Variants in KLHL13 observed in about 807,000 individuals in gnomAD.
The protein encoded by KLHL13 is kelch like family member 13.
A neutral mutation model predicts 37.1 loss-of-function variants in KLHL13; 10 were observed. That is an observed-to-expected ratio of 0.27 (90% CI 0.17 to 0.46). KLHL13 has a LOEUF of 0.46. Among genes scored for constraint, KLHL13 ranks in the 20% least tolerant of loss-of-function variants. KLHL13 has a pLI of 1.00. For synonymous variants in KLHL13, 163 were observed against 181.2 expected (o/e 0.90, Z 0.81); for missense variants, 360 against 509.3 (o/e 0.71, Z 2.82).
intron 1 of KLHL13, among the ~76,000 whole-genome samples, chrX:118,020,865 A>G (rs1299999895): frequency 7.4e-5 from 8 of 108,604 alleles, no homozygotes; most frequent in Non-Finnish European, 1.3e-4. Flanking sequence ...GCTAGAAACC[A>G]TCATTCTCAG....
intron 1 of KLHL13, among the ~76,000 whole-genome samples, chrX:118,047,508 T>C (rs1311461855): frequency 1.8e-5 from 2 of 112,188 alleles, no homozygotes; most frequent in Non-Finnish European, 3.8e-5. Flanking sequence ...AAGGAAATAA[T>C]ATAAGCAAGA....
At chrX:117,932,983 C>T (rs2147755547) in intron 2 of KLHL13, among the ~76,000 whole-genome samples, 1 of 111,143 alleles carries the variant, frequency 9.0e-6, no homozygotes, top group African/African-American at 3.3e-5. Flanking sequence ...TGTAATTTTC[C>T]ATATATCTGT....
chrX:118,095,568 C>T (rs758611141), intron 1 of KLHL13, among the ~76,000 whole-genome samples: 7 of 111,637 alleles, frequency 6.3e-5, no homozygotes, highest in South Asian at 3.8e-4. Flanking sequence ...AACTCTCCAC[C>T]CCAAATCAAC....
chrX:117,909,692 C>T (rs769074304), exon 5 of KLHL13: 10 of 1,210,489 alleles, frequency 8.3e-6, no homozygotes, highest in Non-Finnish European at 1.1e-5. Flanking sequence ...GCATAACTGG[C>T]TGCATATATG....
chrX:118,006,630 T>G (rs1273000572), intron 1 of KLHL13, among the ~76,000 whole-genome samples: 1 of 112,219 alleles, frequency 8.9e-6, no homozygotes, highest in Admixed American at 9.4e-5. Context: ...CAGCTTGAAT[T>G]TATTCAGGGT....
At chrX:117,959,885 G>A (rs7052081) in intron 1 of KLHL13, among the ~76,000 whole-genome samples, 1,744 of 111,371 alleles carry the variant, frequency 0.016, 32 homozygotes, top group African/African-American at 0.054. Context: ...AAACAGCTGC[G>A]GTGAGAGACT....
intron 4 of KLHL13, among the ~76,000 whole-genome samples, chrX:117,918,460 T>G (rs939736490): frequency 9.0e-6 from 1 of 111,273 alleles, no homozygotes; most frequent in African/African-American, 3.3e-5. Flanking sequence ...TTCATATGAG[T>G]TAAAAAATTA....
At chrX:117,978,760 T>C (rs1429187382) in intron 1 of KLHL13, among the ~76,000 whole-genome samples, 11 of 108,495 alleles carry the variant, frequency 1.0e-4, no homozygotes, top group African/African-American at 3.7e-4. Context: ...TTCATTTTGT[T>C]TTCTGGCACT....
rs147209460 is a variant in KLHL13, at chrX:118,078,053, T to C, written c.-56+38455A>G. Among the ~76,000 whole-genome samples, 1,043 of 112,143 alleles carry C rather than the reference T, an allele frequency of 9.3e-3. 14 individuals carry two copies. The highest frequency in any genetic ancestry group is 0.032 in the African/African-American group (983 of 30,974). ...CAATTGAATATCTGTGTAACAACTT[T>C]TGTTTTAAAAGTTACTTTTATTTTC... On this transcript the variant is annotated intron_variant, in intron 1 of 6. Coordinates refer to the KLHL13 transcript ENST00000371882.
intron 1 of KLHL13, among the ~76,000 whole-genome samples, chrX:118,068,779 ATCT>A (rs760683016): frequency 8.8e-4 from 97 of 110,821 alleles, no homozygotes; most frequent in African/African-American, 2.9e-3. Flanking sequence ...GTCACAGCAC[ATCT>A]TCTTCCCTGA....
chrX:117,983,109 G>GT (rs201029041), intron 1 of KLHL13, among the ~76,000 whole-genome samples: 11,330 of 111,434 alleles, frequency 0.1, 581 homozygotes, highest in African/African-American at 0.19. Context: ...AGGCAGAAGA[G>GT]ACAGAGCTAG....
At chrX:117,973,371 G>A in exon 1 of KLHL13, 2 of 972,022 alleles carry the variant, frequency 2.1e-6, no homozygotes, top group Non-Finnish European at 2.6e-6. Context: ...CAATACAAAT[G>A]GGATATAAAC....
chrX:117,946,463 T>A (rs113405427), intron 1 of KLHL13: 5 of 112,263 alleles, frequency 4.5e-5, no homozygotes, highest in African/African-American at 1.6e-4. Context: ...TCTCAGGTTA[T>A]ACTAAAAATG....
intron 1 of KLHL13, among the ~76,000 whole-genome samples, chrX:118,015,513 G>A (rs973469603): frequency 5.4e-5 from 6 of 110,694 alleles, no homozygotes; most frequent in South Asian, 3.8e-4. Flanking sequence ...AAATAATTGC[G>A]GTAGATGAGA....
intron 1 of KLHL13, chrX:117,985,236 T>C: frequency 8.8e-7 from 1 of 1,132,423 alleles, no homozygotes; most frequent in Non-Finnish European, 1.2e-6. Flanking sequence ...GAAAGGTCTC[T>C]TACCAATAAG....
exon 3 of KLHL13, chrX:117,920,326 G>A: frequency 8.3e-7 from 1 of 1,205,719 alleles, no homozygotes; most frequent in Non-Finnish European, 1.1e-6. Context: ...CTGGCATCAG[G>A]GTCACATCAC....
chrX:117,982,437 A>ATGTG (rs1417593783), intron 1 of KLHL13, among the ~76,000 whole-genome samples: 4 of 111,204 alleles, frequency 3.6e-5, no homozygotes, highest in Non-Finnish European at 5.7e-5. Flanking sequence ...ACATCCAGCA[A>ATGTG]TGTGTGCAAA....
intron 1 of KLHL13, among the ~76,000 whole-genome samples, chrX:118,042,046 A>T (rs1200563574): frequency 1.8e-5 from 2 of 112,248 alleles, no homozygotes; most frequent in Non-Finnish European, 3.8e-5. Context: ...AACCAAAAAA[A>T]GAGCCAGGAT....
intron 1 of KLHL13, among the ~76,000 whole-genome samples, chrX:118,063,699 G>A (rs2054766092): frequency 9.0e-6 from 1 of 111,657 alleles, no homozygotes; most frequent in Non-Finnish European, 1.9e-5. Context: ...CTAAAGGGTA[G>A]CAGCAATGTG....
Sources: allele counts gnomAD v4.1 joint callset (sites outside exome capture counted in the v4.1 genomes callset), GRCh38; gene constraint gnomAD v4.1.1; transcripts MANE v1.5; gene names NCBI Gene and HGNC (gene_info 2026-07-23, HGNC 2026-07-21).